The following TNRC6C variants were observed in gnomAD, a reference collection of about 807,000 sequenced individuals.
The protein encoded by TNRC6C is trinucleotide repeat containing adaptor 6C.
TNRC6C carries 20 observed loss-of-function variants against 153.7 expected under a neutral mutation model. That is an observed-to-expected ratio of 0.13 (90% CI 0.09 to 0.19). The LOEUF is 0.19. Ranked by LOEUF, TNRC6C falls within the 10% of genes least tolerant of loss-of-function variation. The probability of loss-of-function intolerance (pLI) is 1.00; values close to 1 mark genes in which losing one functional copy is unlikely to be tolerated. For missense variants in TNRC6C, 1,987 were observed against 2,172.0 expected, an observed-to-expected ratio of 0.91 and a Z score of 1.69; for synonymous variants, 811 against 841.4, an observed-to-expected ratio of 0.96 and a Z score of 0.63.
intron 1 of TNRC6C, among the ~76,000 whole-genome samples, chr17:77,995,285 C>CTGT (rs1429754430): frequency 6.6e-6 from 1 of 152,182 alleles, no homozygotes; most frequent in African/African-American, 2.4e-5. Flanking sequence ...ACCAGAGGCA[C>CTGT]TGTGTGTGCA....
exon 17 of TNRC6C, chr17:78,098,424 A>G: frequency 6.2e-7 from 1 of 1,613,932 alleles, no homozygotes; most frequent in Non-Finnish European, 8.5e-7. Flanking sequence ...GAACTATGGA[A>G]GGTGCCCAGA....
chr17:78,040,658 G>A (rs923061349), intron 2 of TNRC6C, among the ~76,000 whole-genome samples: 2 of 152,214 alleles, frequency 1.3e-5, no homozygotes, highest in Non-Finnish European at 1.5e-5. Flanking sequence ...GCAAAATGCC[G>A]TTATTCTTTT....
chr17:78,079,665 G>A lies in TNRC6C; in HGVS notation c.3357+124G>A. The A allele has an allele frequency of 7.8e-7, 1 of 1,280,220 alleles. No individual in the cohort carries two copies. The highest frequency in any genetic ancestry group is 2.3e-5 in the Admixed American group (1 of 42,944). The allele number at this position is 1,280,220 out of a possible 1,614,324, so 79.3% of individuals were successfully genotyped here. On this transcript the variant is annotated intron_variant, in intron 10 of 19. Transcript: ENST00000301624. The surrounding 1 kb of genome is among the most constrained non-coding windows in gnomAD (Gnocchi z 4.3). ...CGGAGTTAATCCATGTTTAAGAGAA[G>A]GCCTTCTGGTTTTTAACCTATAAAT...
intron 2 of TNRC6C, among the ~76,000 whole-genome samples, chr17:78,040,073 G>A (rs942238393): frequency 7.9e-5 from 12 of 152,334 alleles, no homozygotes; most frequent in African/African-American, 2.9e-4. Context: ...GGTAAAGACT[G>A]TTATCAGCAA....
At chr17:77,981,293 A>G (rs2071074182) in intron 1 of TNRC6C, among the ~76,000 whole-genome samples, 1 of 152,156 alleles carries the variant, frequency 6.6e-6, no homozygotes, top group African/African-American at 2.4e-5. Context: ...TGATTAAGCC[A>G]TTGGCCATTG....
chr17:78,060,716 T>C (rs905985732), intron 3 of TNRC6C, among the ~76,000 whole-genome samples: 5 of 152,098 alleles, frequency 3.3e-5, no homozygotes, highest in African/African-American at 4.8e-5. Context: ...CTTTATCATA[T>C]ACTCTTAATT....
In TNRC6C at chr17:78,064,799, A is replaced by G. The variant is rs775046611; in HGVS notation, c.2473A>G (p.Thr825Ala). The change falls in exon 4 of 20, where the codon ACC becomes GCC. Residue 825 changes from threonine (T) to alanine (A), a missense_variant. By Grantham distance (58) the Thr-to-Ala change is moderately conservative. Around this residue, in one of 4 missense-constraint regions of TNRC6C, gnomAD observed 765 missense variants for 908.6 expected, o/e 0.84. Coordinates refer to ENST00000301624, the Ensembl canonical transcript of TNRC6C. ...TTGGGGAGAACCATCCTCCCCTTCT[A>G]CCCTGGTGGATAATGGCACAGCAGC... The G allele has an allele frequency of 1.7e-5, 28 of 1,613,662 alleles. No individual in the cohort carries two copies. The South Asian group carries it at 2.5e-4, about 15-fold the overall frequency.
chr17:77,961,387 T>G (rs113112019), intron 1 of TNRC6C, among the ~76,000 whole-genome samples: 3 of 152,104 alleles, frequency 2.0e-5, no homozygotes, highest in Non-Finnish European at 2.9e-5. Flanking sequence ...AACTCCTGAC[T>G]TCAGGTGATC....
chr17:78,102,112 G>A (rs183701732), intron 17 of TNRC6C, among the ~76,000 whole-genome samples: 61 of 152,332 alleles, frequency 4.0e-4, no homozygotes, highest in African/African-American at 1.4e-3. Context: ...AAGAACCTGG[G>A]AGCACTGATT....
At chr17:78,088,487 G>A (rs2035302759) in intron 13 of TNRC6C, among the ~76,000 whole-genome samples, 1 of 151,816 alleles carries the variant, frequency 6.6e-6, no homozygotes, top group South Asian at 2.1e-4. Flanking sequence ...CTCCCTAAGT[G>A]TTAGGATTAC....
chr17:77,959,031 G>C (rs2070837164), upstream of TNRC6C, among the ~76,000 whole-genome samples: 1 of 144,136 alleles, frequency 6.9e-6, no homozygotes, highest in Admixed American at 6.9e-5. Context: ...GCGTCGCGGC[G>C]TTGCCGGGGC....
At chr17:78,050,154 G>T in exon 3 of TNRC6C, 1 of 1,581,352 alleles carries the variant, frequency 6.3e-7, no homozygotes, top group East Asian at 2.2e-5. Context: ...CAGGGTGGGA[G>T]AGTCCTAGTG....
At chr17:77,982,780 G>C (rs374011236) in intron 1 of TNRC6C, among the ~76,000 whole-genome samples, 1 of 152,134 alleles carries the variant, frequency 6.6e-6, no homozygotes, top group Non-Finnish European at 1.5e-5. Context: ...GCAGTGAGCC[G>C]AGATTGTGCC....
At chr17:78,004,049 G>C, upstream of TNRC6C, 1 of 1,205,932 alleles carries the variant, frequency 8.3e-7, no homozygotes, top group Non-Finnish European at 1.0e-6. Context: ...CACCTTCTCA[G>C]AGGGTCCTCC....
At chr17:77,972,414 A>G (rs1340584148) in intron 1 of TNRC6C, among the ~76,000 whole-genome samples, 1 of 152,026 alleles carries the variant, frequency 6.6e-6, no homozygotes, top group Non-Finnish European at 1.5e-5. Context: ...CTGGAGGCTG[A>G]GGCAGGAGAA....
upstream of TNRC6C, among the ~76,000 whole-genome samples, chr17:78,002,864 G>A (rs980951314): frequency 3.9e-5 from 6 of 152,198 alleles, no homozygotes; most frequent in African/African-American, 1.4e-4. Context: ...TTCAGTGATT[G>A]AATTAGTGAA....
chr17:77,978,263 A>G (rs567748980), intron 1 of TNRC6C, among the ~76,000 whole-genome samples: 1 of 152,324 alleles, frequency 6.6e-6, no homozygotes, highest in African/African-American at 2.4e-5. Context: ...GAATAGTAGA[A>G]GTAAGGCTTA....
intron 7 of TNRC6C, 144 bp from the exon 10 acceptor site, chr17:78,074,992 C>T: frequency 1.8e-6 from 2 of 1,113,708 alleles, no homozygotes; most frequent in Non-Finnish European, 1.3e-6. Flanking sequence ...CCTAGCAAAG[C>T]AAGGGCTCTC....
intron 1 of TNRC6C, among the ~76,000 whole-genome samples, chr17:78,023,553 C>A (rs923788816): frequency 6.6e-6 from 1 of 152,146 alleles, no homozygotes; most frequent in African/African-American, 2.4e-5. Context: ...TGCCTGTAAT[C>A]CCAGCACTTG....
Sources: gnomAD v4.1 joint callset for allele counts (sites outside exome capture counted in the v4.1 genomes callset) on GRCh38, gnomAD v4.1.1 for gene constraint, gnomAD v4.1.1 regional missense constraint, Gnocchi (gnomAD v3.1) non-coding constraint, MANE v1.5 for transcripts, NCBI Gene and HGNC (gene_info 2026-07-23, HGNC 2026-07-21) for gene names.